Variants in PIGK observed in about 807,000 individuals in gnomAD.
PIGK encodes GPI-anchor transamidase.
Under a neutral mutation model 50.6 loss-of-function variants are expected in PIGK, and 42 were observed. The ratio of observed to expected loss-of-function variants is 0.83; its 90% CI spans 0.65 to 1.07. PIGK has a LOEUF of 1.07. PIGK is among the 50% of genes least tolerant of loss of function. The probability of loss-of-function intolerance (pLI) is 0.00; values close to 1 mark genes in which losing one functional copy is unlikely to be tolerated. For synonymous variants in PIGK, 151 were observed against 156.0 expected (o/e 0.97, Z 0.24); for missense variants, 448 against 488.7 (o/e 0.92, Z 0.78).
At chr1:77,106,704 T>C (rs911202578) in intron 10 of PIGK, among the ~76,000 whole-genome samples, 1 of 152,132 alleles carries the variant, frequency 6.6e-6, no homozygotes, top group African/African-American at 2.4e-5. Context: ...CGCTAATGTT[T>C]ATTGTCTATT....
chr1:77,189,982 G>A (rs1655860369), intron 3 of PIGK, among the ~76,000 whole-genome samples: 1 of 151,716 alleles, frequency 6.6e-6, no homozygotes, highest in Admixed American at 6.6e-5. Context: ...ACATGCCCCA[G>A]GTCACACAGC....
At chr1:77,112,112 T>G (rs1433352550) in intron 10 of PIGK, among the ~76,000 whole-genome samples, 2 of 152,072 alleles carry the variant, frequency 1.3e-5, no homozygotes, top group African/African-American at 4.8e-5. Flanking sequence ...CAAACATGAC[T>G]GGTATGATAA....
chr1:77,201,698 T>C (rs1206367024), intron 3 of PIGK, among the ~76,000 whole-genome samples: 1 of 151,664 alleles, frequency 6.6e-6, no homozygotes. Context: ...CCAAGGTTGC[T>C]CCACTGCACT....
chr1:77,129,771 C>T (rs1427957239), intron 9 of PIGK: 2 of 625,430 alleles, frequency 3.2e-6, no homozygotes. Flanking sequence ...GAAAAAGTTG[C>T]CCAACCTATA....
intron 3 of PIGK, among the ~76,000 whole-genome samples, chr1:77,176,808 G>A (rs913387482): frequency 6.6e-6 from 1 of 152,050 alleles, no homozygotes. Context: ...ATGGACTCTT[G>A]GAGAACCAGA....
intron 5 of PIGK, among the ~76,000 whole-genome samples, chr1:77,166,338 A>C (rs1655232277): frequency 6.6e-6 from 1 of 152,156 alleles, no homozygotes; most frequent in Admixed American, 6.5e-5. Flanking sequence ...ATCTTCATGT[A>C]CAGCAAAATT....
chr1:77,201,169 C>CA (rs1350265467), intron 3 of PIGK, among the ~76,000 whole-genome samples: 1 of 152,116 alleles, frequency 6.6e-6, no homozygotes, highest in East Asian at 1.9e-4. Flanking sequence ...ACAACAATAA[C>CA]AAAAATTAGT....
At chr1:77,189,744 TATATAC>T (rs1557818994) in intron 3 of PIGK, among the ~76,000 whole-genome samples, 2 of 38,940 alleles carry the variant, frequency 5.1e-5, no homozygotes, top group Non-Finnish European at 8.7e-5. Flanking sequence ...TATATATATA[TATATAC>T]ACACACACAC....
chr1:77,206,701 G>T lies in PIGK; in HGVS notation c.178C>A (p.Arg60=). 1 of 1,611,296 alleles carries T rather than the reference G, an allele frequency of 6.2e-7. No homozygotes were observed. ...ACAGAAAGGGTATTTGCAACATGTCGATAATTAAACCAGAATCGGGATGTA... is the reference window on the plus strand; with the variant it reads ...ACAGAAAGGGTATTTGCAACATGTCTATAATTAAACCAGAATCGGGATGTA... ...VCTSRFWFNY[R]HVANTLSVYR... The change falls in exon 3 of 11, where the codon CGA becomes AGA. Residue 60 remains arginine (R), a synonymous_variant. Transcript: ENST00000370812.
At chr1:77,190,741 A>G (rs1374907784) in intron 3 of PIGK, among the ~76,000 whole-genome samples, 1 of 152,166 alleles carries the variant, frequency 6.6e-6, no homozygotes, top group Non-Finnish European at 1.5e-5. Context: ...TAATTCCCCA[A>G]AGCCCCTGAC....
intron 8 of PIGK, among the ~76,000 whole-genome samples, chr1:77,159,538 G>A (rs1439481750): frequency 7.2e-5 from 11 of 152,192 alleles, no homozygotes; most frequent in South Asian, 2.1e-4. Context: ...ATGCCAGCCC[G>A]TAAAAGCAAA....
At chr1:77,114,042 A>G (rs1653911107) in intron 10 of PIGK, among the ~76,000 whole-genome samples, 1 of 152,154 alleles carries the variant, frequency 6.6e-6, no homozygotes, top group East Asian at 1.9e-4. Context: ...ATTTTGAACT[A>G]AATCTGTTGA....
At chr1:77,127,887 C>G (rs1322498113) in intron 9 of PIGK, among the ~76,000 whole-genome samples, 3 of 152,122 alleles carry the variant, frequency 2.0e-5, no homozygotes, top group Non-Finnish European at 4.4e-5. Context: ...TAGAAAAGTT[C>G]ACACTCCTAA....
chr1:77,108,204 G>A (rs977989717), intron 10 of PIGK, among the ~76,000 whole-genome samples: 30 of 152,080 alleles, frequency 2.0e-4, no homozygotes, highest in African/African-American at 6.3e-4. Context: ...TTATAATTTC[G>A]CATGTTTTTG....
chr1:77,214,509 C>T (rs1006078166), intron 1 of PIGK, among the ~76,000 whole-genome samples: 3 of 152,042 alleles, frequency 2.0e-5, no homozygotes, highest in Middle Eastern at 3.4e-3. Context: ...CACCTAAACA[C>T]AAAAAGGCCA....
At chr1:77,132,462 A>G (rs1052417094) in intron 9 of PIGK, among the ~76,000 whole-genome samples, 5 of 152,004 alleles carry the variant, frequency 3.3e-5, no homozygotes, top group Non-Finnish European at 7.4e-5. Flanking sequence ...ACTGTTCAAC[A>G]TTACCATTTC....
At chr1:77,200,772 A>G (rs1163133185) in intron 3 of PIGK, among the ~76,000 whole-genome samples, 1 of 152,182 alleles carries the variant, frequency 6.6e-6, no homozygotes, top group Non-Finnish European at 1.5e-5. Context: ...TCCTATTTTT[A>G]TTAATATTTA....
At chr1:77,121,322 T>C (rs1362168069) in intron 10 of PIGK, among the ~76,000 whole-genome samples, 1 of 152,154 alleles carries the variant, frequency 6.6e-6, no homozygotes, top group African/African-American at 2.4e-5. Flanking sequence ...ACAGACGAGC[T>C]TCCCAAAGGT....
chr1:77,115,952 C>A (rs1653951262), intron 10 of PIGK, among the ~76,000 whole-genome samples: 1 of 151,870 alleles, frequency 6.6e-6, no homozygotes, highest in Admixed American at 6.6e-5. Flanking sequence ...ATAGGGGGAA[C>A]CAGAGAAAGC....
Sources: gnomAD v4.1 joint callset for allele counts (sites outside exome capture counted in the v4.1 genomes callset) on GRCh38, gnomAD v4.1.1 for gene constraint, MANE v1.5 for transcripts, NCBI Gene and HGNC (gene_info 2026-07-23, HGNC 2026-07-21) for gene names.